Variants in DYNAP observed in about 807,000 individuals in gnomAD.
The protein encoded by DYNAP is dynactin-associated protein.
In DYNAP, 7 loss-of-function variants were observed where a neutral mutation model predicts 8.5. That is an observed-to-expected ratio of 0.82 (90% CI 0.47 to 1.54). The LOEUF is 1.54. Among genes scored for constraint, DYNAP ranks in the 40% most tolerant of loss-of-function variants. DYNAP has a pLI of 0.01. For missense variants in DYNAP, 256 were observed against 224.3 expected, an observed-to-expected ratio of 1.14 and a Z score of -0.90; for synonymous variants, 77 against 77.9, an observed-to-expected ratio of 0.99 and a Z score of 0.06.
At chr18:54,589,936 G>GTTT (rs544913164), upstream of DYNAP, among the ~76,000 whole-genome samples, 108 of 152,094 alleles carry the variant, frequency 7.1e-4, 1 homozygote, top group African/African-American at 2.2e-3. Flanking sequence ...CCCCATGGCT[G>GTTT]TTTGCTTTGC....
At chr18:54,582,316 C>T in the DYNAP span, among the ~76,000 whole-genome samples, 2 of 151,936 alleles carry the variant, frequency 1.3e-5, no homozygotes, top group Admixed American at 6.6e-5. Flanking sequence ...AAGTCTTTTC[C>T]ATCTGTAGTG....
chr18:54,579,750 C>G, the DYNAP span, among the ~76,000 whole-genome samples: 1 of 152,170 alleles, frequency 6.6e-6, no homozygotes, highest in Non-Finnish European at 1.5e-5. Context: ...AAGATGGTCT[C>G]CAGATCTTTC....
chr18:54,595,523 T>C (rs1911251648), intron 2 of DYNAP, among the ~76,000 whole-genome samples: 1 of 152,116 alleles, frequency 6.6e-6, no homozygotes, highest in Non-Finnish European at 1.5e-5. Context: ...ATCACCTTAT[T>C]TTCTTACTCT....
chr18:54,578,271 T>G, the DYNAP span, among the ~76,000 whole-genome samples: 2 of 152,198 alleles, frequency 1.3e-5, no homozygotes, highest in Non-Finnish European at 2.9e-5. Context: ...TACCACAGTT[T>G]CCTTCTGCTA....
chr18:54,575,937 CA>C, the DYNAP span, among the ~76,000 whole-genome samples: 1 of 152,202 alleles, frequency 6.6e-6, no homozygotes, highest in African/African-American at 2.4e-5. Context: ...CTGAAATAAA[CA>C]AATATTCTAA....
At chr18:54,576,152 T>G in the DYNAP span, among the ~76,000 whole-genome samples, 1 of 152,218 alleles carries the variant, frequency 6.6e-6, no homozygotes, top group African/African-American at 2.4e-5. Flanking sequence ...CAAAATTTAT[T>G]TATCATTTAT....
At chr18:54,591,413 T>A in intron 1 of DYNAP, 74 bp downstream of exon 1, 1 of 1,512,746 alleles carries the variant, frequency 6.6e-7, no homozygotes, top group African/African-American at 1.4e-5. Flanking sequence ...AGCAGTTTAA[T>A]CTCTTTATTA....
upstream of DYNAP, among the ~76,000 whole-genome samples, chr18:54,589,262 C>T (rs9945556): frequency 0.081 from 12,325 of 152,184 alleles, 812 homozygotes; most frequent in African/African-American, 0.18. Flanking sequence ...TTCTCTCAAA[C>T]ACATGTCAGC....
rs1381035297 is a variant in DYNAP, at chr18:54,599,259, A to G, written c.*1114A>G. ...TTACAGAGTTTGACTCTTTTTGTCA[A>G]CACATCCGAACCTGCAACTACAAAT... On this transcript the variant is annotated 3_prime_UTR_variant, in exon 3 of 3. Transcript: ENST00000648945. The G allele has an allele frequency of 6.6e-6, 1 of 152,094 alleles. No homozygotes were observed. The highest frequency in any genetic ancestry group is 1.5e-5 in the Non-Finnish European group (1 of 67,996). 9.4% of individuals were successfully genotyped at this position (152,094 alleles called of 1,614,324 possible).
At chr18:54,593,806 C>T (rs1385542905) in intron 1 of DYNAP, among the ~76,000 whole-genome samples, 1 of 151,952 alleles carries the variant, frequency 6.6e-6, no homozygotes, top group Non-Finnish European at 1.5e-5. Flanking sequence ...AAGGCATATG[C>T]CTATAGTCAT....
At chr18:54,581,851 G>C in the DYNAP span, among the ~76,000 whole-genome samples, 1 of 152,096 alleles carries the variant, frequency 6.6e-6, no homozygotes, top group Non-Finnish European at 1.5e-5. Context: ...ATTTTTAACA[G>C]TTCTTCCACT....
intron 2 of DYNAP, among the ~76,000 whole-genome samples, chr18:54,597,037 C>T (rs992326893): frequency 6.6e-6 from 1 of 152,042 alleles, no homozygotes; most frequent in African/African-American, 2.4e-5. Context: ...TATTCTATTC[C>T]TGGAAGATCT....
At chr18:54,579,173 G>A in the DYNAP span, among the ~76,000 whole-genome samples, 2 of 152,224 alleles carry the variant, frequency 1.3e-5, no homozygotes, top group Middle Eastern at 3.4e-3. Context: ...AGTACTAAAG[G>A]AATAGTTTAA....
chr18:54,577,963 C>CAAAAAA, the DYNAP span, among the ~76,000 whole-genome samples: 1 of 132,804 alleles, frequency 7.5e-6, no homozygotes, highest in African/African-American at 2.9e-5. Context: ...GACTCAGCCT[C>CAAAAAA]AAAAAAAAAA....
In DYNAP at chr18:54,591,480, A is replaced by T. The variant is rs926878876; in HGVS notation, c.57+141A>T. 1.6e-5 allele frequency: 15 copies of T among 965,396 alleles called. No individual in the cohort carries two copies. In the Admixed American group the frequency reaches 4.4e-4, roughly 28 times the overall value. 59.8% of individuals were successfully genotyped at this position (965,396 alleles called of 1,614,324 possible). A position where few individuals can be genotyped will look rare whatever the true frequency, so the allele number is the denominator to read the frequency against. ...TCTCCAAAATAAAGAGCAACCCTGTATCAATTTTTGTGCTGTAACTTTCAT... is the reference window on the plus strand; with the variant it reads ...TCTCCAAAATAAAGAGCAACCCTGTTTCAATTTTTGTGCTGTAACTTTCAT... On this transcript the variant is annotated intron_variant, in intron 1 of 2. Coordinates refer to ENST00000648945, the MANE Select transcript of DYNAP (RefSeq NM_173629.3).
At chr18:54,594,351 A>C (rs1384322908) in intron 1 of DYNAP, among the ~76,000 whole-genome samples, 3 of 152,140 alleles carry the variant, frequency 2.0e-5, no homozygotes. Context: ...TATGTAAAGC[A>C]GTCACTTTGT....
chr18:54,586,050 G>A (rs1343185667), upstream of DYNAP, among the ~76,000 whole-genome samples: 1 of 152,186 alleles, frequency 6.6e-6, no homozygotes. Context: ...TGATAACCTA[G>A]TTATGGTTCT....
chr18:54,595,166 GC>G (rs1250598006), intron 2 of DYNAP, 63 bp downstream of exon 2: 2 of 1,450,016 alleles, frequency 1.4e-6, no homozygotes, highest in Non-Finnish European at 9.1e-7. Context: ...CATGTACTTT[GC>G]CTATTCTTTC....
At chr18:54,581,405 A>T in the DYNAP span, among the ~76,000 whole-genome samples, 1 of 152,230 alleles carries the variant, frequency 6.6e-6, no homozygotes, top group Non-Finnish European at 1.5e-5. Flanking sequence ...CAAGGTTTTA[A>T]TTGATTTTGA....
Sources: allele counts gnomAD v4.1 joint callset (sites outside exome capture counted in the v4.1 genomes callset), GRCh38; gene constraint gnomAD v4.1.1; transcripts MANE v1.5; gene names NCBI Gene and HGNC (gene_info 2026-07-23, HGNC 2026-07-21).